SLIT3: variants seen among roughly 807,000 people sequenced by gnomAD.
The protein encoded by SLIT3 is slit homolog 3 protein.
SLIT3 carries 68 observed loss-of-function variants against 184.0 expected under a neutral mutation model. That is an observed-to-expected ratio of 0.37 (90% CI 0.30 to 0.45). The LOEUF (loss-of-function observed/expected upper bound fraction) is 0.45. Ranked by LOEUF, SLIT3 falls within the 20% of genes least tolerant of loss-of-function variation. The probability of loss-of-function intolerance (pLI) is 1.00; values close to 1 mark genes in which losing one functional copy is unlikely to be tolerated. For synonymous variants in SLIT3, 831 were observed against 828.6 expected (o/e 1.00, Z -0.05); for missense variants, 1,707 against 2,026.0 (o/e 0.84, Z 3.02).
At chr5:168,983,903 A>G (rs1439444863) in intron 4 of SLIT3, among the ~76,000 whole-genome samples, 1 of 152,102 alleles carries the variant, frequency 6.6e-6, no homozygotes, top group East Asian at 1.9e-4. Flanking sequence ...GCTAGAAAAG[A>G]AAAGAGAGGC....
At chr5:168,679,776 C>T (rs551765255) in intron 32 of SLIT3, among the ~76,000 whole-genome samples, 139 of 152,298 alleles carry the variant, frequency 9.1e-4, no homozygotes, top group African/African-American at 3.2e-3. Flanking sequence ...TTTCATGTCC[C>T]GGAGCCAGCA....
intron 4 of SLIT3, among the ~76,000 whole-genome samples, chr5:168,903,811 G>A (rs1321211151): frequency 6.7e-5 from 7 of 105,148 alleles, no homozygotes; most frequent in African/African-American, 1.0e-4. Flanking sequence ...CTCGTTCACT[G>A]GTTTGAATTA....
chr5:168,760,554 C>T (rs1356852404), intron 16 of SLIT3, among the ~76,000 whole-genome samples: 1 of 152,154 alleles, frequency 6.6e-6, no homozygotes, highest in Admixed American at 6.5e-5. Context: ...ACCTGAGTCC[C>T]ACCCACCAGC....
At chr5:168,731,485 A>T (rs1581015190) in intron 20 of SLIT3, among the ~76,000 whole-genome samples, 1 of 152,024 alleles carries the variant, frequency 6.6e-6, no homozygotes, top group African/African-American at 2.4e-5. Context: ...CTAAAACCAG[A>T]CAAGGACACA....
Position 168,673,251 on chromosome 5 carries a change from T to C in SLIT3, c.3767A>G (p.Lys1256Arg), listed in dbSNP as rs769910775. 15 of 1,614,004 alleles carry C rather than the reference T, an allele frequency of 9.3e-6. No individual in the cohort carries two copies. The Admixed American group carries it at 2.5e-4, about 27-fold the overall frequency. The change falls in exon 33 of 36, where the codon AAA becomes AGA. Residue 1256 changes from lysine (K) to arginine (R), a missense_variant. Coordinates refer to ENST00000519560, the MANE Select transcript of SLIT3 (RefSeq NM_003062.4). Reference sequence around the variant, plus strand: ...CTTCCCCAGGCTCTTTGGAGTTCCTTTGTCCACTACTAGGTTCAGGGTCTG... The same window carrying C: ...CTTCCCCAGGCTCTTTGGAGTTCCTCTGTCCACTACTAGGTTCAGGGTCTG... ...LNQTLNLVVD[K>R]GTPKSLGKLQ...
Position 168,856,804 on chromosome 5 carries a change from T to TGCGC in SLIT3, c.486-12150_486-12149insGCGC, listed in dbSNP as rs1330091597. Among the ~76,000 whole-genome samples the TGCGC allele has an allele frequency of 1.2e-3, 161 of 138,284 alleles. 1 individual carries two copies. Among genetic ancestry groups the TGCGC allele is most frequent in the African/African-American group, 3.7e-3 (132 of 35,456 alleles). 90.7% of individuals were successfully genotyped at this position (138,284 alleles called of 152,430 possible). A position where few individuals can be genotyped will look rare whatever the true frequency, so the allele number is the denominator to read the frequency against. On this transcript the variant is annotated intron_variant, in intron 5 of 35. Transcript: ENST00000519560. ...GTGTGTGTGTGTGTGTGTGTGTGTGTGTGCGCGCGCGCGCACGCCTTTGTT... is the reference window on the plus strand; with the variant it reads ...GTGTGTGTGTGTGTGTGTGTGTGTGTGCGCGTGCGCGCGCGCGCACGCCTTTGTT...
chr5:169,015,839 T>C (rs1442660585), intron 4 of SLIT3, among the ~76,000 whole-genome samples: 1 of 151,230 alleles, frequency 6.6e-6, no homozygotes, highest in Non-Finnish European at 1.5e-5. Context: ...GAGGCTGAGG[T>C]GGGAGGATTG....
chr5:168,833,376 C>G (rs17733502), intron 6 of SLIT3, among the ~76,000 whole-genome samples: 21,229 of 152,218 alleles, frequency 0.14, 1,805 homozygotes, highest in East Asian at 0.25. Flanking sequence ...GTGCAATTTA[C>G]AGCTTGGGCT....
intron 4 of SLIT3, among the ~76,000 whole-genome samples, chr5:168,969,807 C>G (rs10475529): frequency 3.9e-5 from 6 of 152,302 alleles, no homozygotes; most frequent in African/African-American, 1.4e-4. Flanking sequence ...CACTTTGGGG[C>G]TCTCAAAACT....
chr5:169,213,383 C>T (rs963434399), intron 3 of SLIT3, among the ~76,000 whole-genome samples: 4 of 152,122 alleles, frequency 2.6e-5, no homozygotes, highest in African/African-American at 9.7e-5. Flanking sequence ...CAATGCTATC[C>T]CTATCAAGCT....
chr5:169,109,621 T>G (rs1017044589), intron 4 of SLIT3, among the ~76,000 whole-genome samples: 7 of 152,196 alleles, frequency 4.6e-5, no homozygotes, highest in African/African-American at 1.4e-4. Flanking sequence ...TAATCACACT[T>G]TTCCCTCTCT....
chr5:168,937,262 G>A (rs1762187802), intron 4 of SLIT3, among the ~76,000 whole-genome samples: 1 of 152,108 alleles, frequency 6.6e-6, no homozygotes, highest in Non-Finnish European at 1.5e-5. Flanking sequence ...CCATGTGGGA[G>A]GATTTTCATT....
intron 9 of SLIT3, among the ~76,000 whole-genome samples, chr5:168,804,790 A>T (rs1380241228): frequency 6.6e-6 from 1 of 152,194 alleles, no homozygotes; most frequent in African/African-American, 2.4e-5. Flanking sequence ...GGTAAGTCGT[A>T]TGCTTCTTCC....
intron 3 of SLIT3, among the ~76,000 whole-genome samples, chr5:169,227,171 C>G (rs1288145047): frequency 2.0e-5 from 3 of 152,196 alleles, no homozygotes; most frequent in South Asian, 4.1e-4. Flanking sequence ...GAGGCACAGA[C>G]TTAAGCATGA....
chr5:169,033,518 A>G (rs1757118041), intron 4 of SLIT3, among the ~76,000 whole-genome samples: 1 of 152,138 alleles, frequency 6.6e-6, no homozygotes, highest in South Asian at 2.1e-4. Flanking sequence ...GAATATCCAT[A>G]CTATTTTACA....
chr5:169,224,908 T>C (rs181675566), intron 3 of SLIT3, among the ~76,000 whole-genome samples: 2,173 of 152,260 alleles, frequency 0.014, 34 homozygotes, highest in Non-Finnish European at 0.018. Context: ...GGTCTCAAGC[T>C]CCTGGCCTCA....
chr5:168,792,123 G>C (rs1756399444), intron 10 of SLIT3: 1 of 152,202 alleles, frequency 6.6e-6, no homozygotes, highest in African/African-American at 2.4e-5. Context: ...TCTCCTATCA[G>C]CTCAAGGCCC....
chr5:168,666,146 T>A lies in SLIT3; in HGVS notation c.*308A>T, dbSNP rs145800656. The stretch of plus-strand genomic sequence containing the variant: ...TTTATTAGTCTATTTTTTTCTTAAA[T>A]TTTTAAACAGCTATTTTTAAAAACA... On this transcript the variant is annotated 3_prime_UTR_variant, in exon 36 of 36. Coordinates refer to ENST00000519560, the MANE Select transcript of SLIT3 (RefSeq NM_003062.4). 7.9e-5 allele frequency: 17 copies of A among 216,154 alleles called. No homozygotes were observed. In the East Asian group the frequency reaches 1.4e-3, roughly 18 times the overall value. 13.4% of individuals were successfully genotyped at this position (216,154 alleles called of 1,614,324 possible).
chr5:168,688,833 C>G (rs566009415), intron 29 of SLIT3, among the ~76,000 whole-genome samples: 1 of 152,346 alleles, frequency 6.6e-6, no homozygotes, highest in South Asian at 2.1e-4. Flanking sequence ...CTGTGTGTCT[C>G]TTGAATTCTA....
Sources: gnomAD v4.1 joint callset for allele counts (sites outside exome capture counted in the v4.1 genomes callset) on GRCh38, gnomAD v4.1.1 for gene constraint, MANE v1.5 for transcripts, NCBI Gene and HGNC (gene_info 2026-07-23, HGNC 2026-07-21) for gene names.